The following SPOCK3 variants were observed in gnomAD, a reference collection of about 807,000 sequenced individuals.
SPOCK3 encodes the protein testican-3.
A neutral mutation model predicts 56.6 loss-of-function variants in SPOCK3; 30 were observed. That is an observed-to-expected ratio of 0.53 (90% CI 0.40 to 0.72). The LOEUF (loss-of-function observed/expected upper bound fraction) is 0.72. Among genes scored for constraint, SPOCK3 ranks in the 30% least tolerant of loss-of-function variants. The pLI, the probability that SPOCK3 is intolerant of heterozygous loss-of-function variation, is 0.00. For synonymous variants in SPOCK3, 196 were observed against 183.3 expected, an observed-to-expected ratio of 1.07 and a Z score of -0.56; for missense variants, 527 against 530.0, an observed-to-expected ratio of 0.99 and a Z score of 0.06.
chr4:166,957,086 T>C (rs963276072), intron 4 of SPOCK3, among the ~76,000 whole-genome samples: 1 of 152,080 alleles, frequency 6.6e-6, no homozygotes, highest in African/African-American at 2.4e-5. Context: ...AAACTCTGTC[T>C]CTACGAAAAA....
chr4:166,868,968 A>G (rs1262483394), intron 6 of SPOCK3, among the ~76,000 whole-genome samples: 1 of 152,138 alleles, frequency 6.6e-6, no homozygotes, highest in East Asian at 1.9e-4. Context: ...TAATTTTTGG[A>G]AATAAAGTTT....
intron 6 of SPOCK3, among the ~76,000 whole-genome samples, chr4:166,797,520 T>C (rs1742089710): frequency 1.3e-5 from 2 of 151,998 alleles, no homozygotes; most frequent in African/African-American, 4.8e-5. Context: ...TAGGCTGTAA[T>C]CTTCCATAAT....
At position 166,734,766 on chromosome 4, in the gene SPOCK3, G is replaced by T. The variant is rs574242824; in HGVS notation, c.*155C>A. 7.9e-5 allele frequency: 51 copies of T among 646,540 alleles called. No individual in the cohort carries two copies. In the Admixed American group the frequency reaches 1.1e-3, roughly 13 times the overall value. The allele number at this position is 646,540 out of a possible 1,614,324, so 40.1% of individuals were successfully genotyped here. Reference sequence around the variant, plus strand: ...CAAATGATTCTTATTTAAACATAAAGTTCTATAACTTTAGCTGCAATTTTT... The same window carrying T: ...CAAATGATTCTTATTTAAACATAAATTTCTATAACTTTAGCTGCAATTTTT... On this transcript the variant is annotated 3_prime_UTR_variant, in exon 11 of 11. Coordinates refer to ENST00000357545, the MANE Select transcript of SPOCK3 (RefSeq NM_001040159.2).
intron 4 of SPOCK3, among the ~76,000 whole-genome samples, chr4:166,973,464 G>C (rs865967122): frequency 2.0e-5 from 3 of 152,120 alleles, no homozygotes; most frequent in Non-Finnish European, 2.9e-5. Context: ...GTTAATGGGA[G>C]AGGGCTCACC....
intron 8 of SPOCK3, among the ~76,000 whole-genome samples, chr4:166,742,430 A>T (rs1734975705): frequency 6.6e-6 from 1 of 152,178 alleles, no homozygotes; most frequent in Admixed American, 6.5e-5. Flanking sequence ...ATTTACTTTT[A>T]AAAGGTCAAT....
intron 3 of SPOCK3, among the ~76,000 whole-genome samples, chr4:167,025,536 C>T (rs1273358021): frequency 6.6e-6 from 1 of 151,938 alleles, no homozygotes; most frequent in Admixed American, 6.6e-5. Flanking sequence ...CCTGTTTGAT[C>T]ATCCAGGGGT....
At chr4:166,964,232 A>G (rs1053708403) in intron 4 of SPOCK3, among the ~76,000 whole-genome samples, 1 of 151,852 alleles carries the variant, frequency 6.6e-6, no homozygotes, top group East Asian at 1.9e-4. Flanking sequence ...TTGTGAATAA[A>G]CATTTCATTT....
chr4:166,885,695 A>G (rs1295043036), intron 6 of SPOCK3, among the ~76,000 whole-genome samples: 1 of 152,190 alleles, frequency 6.6e-6, no homozygotes, highest in African/African-American at 2.4e-5. Context: ...AAGGTGCATA[A>G]AGAGTATGTG....
Position 167,189,400 on chromosome 4 carries a change from A to G in SPOCK3, c.189+44585T>C, listed in dbSNP as rs145506101. On this transcript the variant is annotated intron_variant, in intron 2 of 10. Transcript: ENST00000357545. ...ACCATATGAGCCAATAATGCCATTC[A>G]TAAGTATTTAACCAAGAAACAAGCT... 6.4e-4 allele frequency among the ~76,000 whole-genome samples: 93 copies of G among 145,994 alleles called. 16 individuals are homozygous for G. Among genetic ancestry groups the G allele is most frequent in the African/African-American group, 2.2e-3 (85 of 38,428 alleles).
At chr4:166,749,342 A>G (rs6812988) in intron 8 of SPOCK3, among the ~76,000 whole-genome samples, 97,017 of 126,698 alleles carry the variant, frequency 0.77, 39,918 homozygotes, top group South Asian at 0.81. Context: ...TTGTAGGGAC[A>G]TGGATGAAGC....
intron 2 of SPOCK3, among the ~76,000 whole-genome samples, chr4:167,173,682 T>C (rs1440368763): frequency 6.6e-6 from 1 of 152,130 alleles, no homozygotes; most frequent in Non-Finnish European, 1.5e-5. Context: ...TACTGAGTAA[T>C]GGGTACTGTG....
chr4:166,784,860 G>T (rs1367201760), intron 7 of SPOCK3, among the ~76,000 whole-genome samples: 1 of 152,034 alleles, frequency 6.6e-6, no homozygotes, highest in African/African-American at 2.4e-5. Flanking sequence ...GTCAGACTCT[G>T]CTAATCTGGG....
At chr4:166,893,241 GCAATGAAAGGGTTAATTCAATTCT>G (rs1369550029) in intron 5 of SPOCK3, among the ~76,000 whole-genome samples, 1 of 152,024 alleles carries the variant, frequency 6.6e-6, no homozygotes, top group African/African-American at 2.4e-5. Flanking sequence ...CTACTGTAAG[GCAATGAAAGGGTTAATTCAATTCT>G]CAAGATCCCT....
intron 3 of SPOCK3, among the ~76,000 whole-genome samples, chr4:167,060,473 C>A (rs1755474745): frequency 6.6e-6 from 1 of 151,940 alleles, no homozygotes; most frequent in African/African-American, 2.4e-5. Flanking sequence ...TGGTCTACAA[C>A]TAGGTTGGTC....
intron 3 of SPOCK3, among the ~76,000 whole-genome samples, chr4:167,041,918 AT>A: frequency 6.6e-6 from 1 of 152,314 alleles, no homozygotes; most frequent in Middle Eastern, 3.4e-3. Flanking sequence ...AAATGAAAAA[AT>A]GGTAAAATGT....
intron 6 of SPOCK3, among the ~76,000 whole-genome samples, chr4:166,869,481 A>T (rs1251502664): frequency 6.6e-6 from 1 of 152,148 alleles, no homozygotes; most frequent in Non-Finnish European, 1.5e-5. Flanking sequence ...CAATATTTAT[A>T]TGAAAGAAAT....
At chr4:166,796,487 G>C (rs956756811) in intron 6 of SPOCK3, among the ~76,000 whole-genome samples, 2 of 152,022 alleles carry the variant, frequency 1.3e-5, no homozygotes, top group African/African-American at 4.8e-5. Flanking sequence ...ATCTCTACTA[G>C]GCTTGATTCA....
chr4:167,045,905 C>T (rs914470812), intron 3 of SPOCK3, among the ~76,000 whole-genome samples: 19 of 152,006 alleles, frequency 1.2e-4, no homozygotes, highest in Non-Finnish European at 2.8e-4. Context: ...AGTAACCTTC[C>T]TTTTTATGTA....
At chr4:166,844,126 A>G (rs989160049) in intron 6 of SPOCK3, among the ~76,000 whole-genome samples, 4 of 152,236 alleles carry the variant, frequency 2.6e-5, no homozygotes, top group Admixed American at 2.0e-4. Flanking sequence ...TTGGGAAGTT[A>G]CTTAGAAAAG....
Sources: gnomAD v4.1 joint callset for allele counts (sites outside exome capture counted in the v4.1 genomes callset) on GRCh38, gnomAD v4.1.1 for gene constraint, MANE v1.5 for transcripts, NCBI Gene and HGNC (gene_info 2026-07-23, HGNC 2026-07-21) for gene names.